The following DAP variants were observed in gnomAD, a reference collection of about 807,000 sequenced individuals.
The protein encoded by DAP is death associated protein, also known as death-associated protein 1.
In DAP, 8 loss-of-function variants were observed where a neutral mutation model predicts 13.8. The ratio of observed to expected loss-of-function variants is 0.58; its 90% confidence interval spans 0.34 to 1.05. DAP has a LOEUF of 1.05. Ranked by LOEUF, DAP falls within the 50% of genes least tolerant of loss-of-function variation. The probability of loss-of-function intolerance (pLI) is 0.03; values close to 1 mark genes in which losing one functional copy is unlikely to be tolerated. For synonymous variants in DAP, 47 were observed against 47.5 expected (o/e 0.99, Z 0.04); for missense variants, 106 against 133.2 (o/e 0.80, Z 1.01).
intron 1 of DAP, among the ~76,000 whole-genome samples, chr5:10,756,262 G>C (rs1740179134): frequency 7.1e-6 from 1 of 140,630 alleles, no homozygotes; most frequent in Non-Finnish European, 1.5e-5. Flanking sequence ...GGGAACAAGG[G>C]CAGACCTCTT....
At chr5:10,690,763 C>T (rs1258941749) in intron 2 of DAP, among the ~76,000 whole-genome samples, 2 of 152,130 alleles carry the variant, frequency 1.3e-5, no homozygotes, top group South Asian at 2.1e-4. Context: ...AATATGTGCT[C>T]GAGTTTCTAC....
At chr5:10,756,037 A>G (rs1299877059) in intron 1 of DAP, among the ~76,000 whole-genome samples, 1 of 152,196 alleles carries the variant, frequency 6.6e-6, no homozygotes, top group Non-Finnish European at 1.5e-5. Flanking sequence ...AGTCCCAGCT[A>G]CTCAGCACAC....
intron 2 of DAP, among the ~76,000 whole-genome samples, chr5:10,694,512 G>C (rs1169201953): frequency 6.6e-6 from 1 of 152,118 alleles, no homozygotes; most frequent in African/African-American, 2.4e-5. Context: ...TTCCTGAGGA[G>C]GGTGGGCAAA....
chr5:10,704,033 C>T (rs533143352), intron 2 of DAP, among the ~76,000 whole-genome samples: 2 of 152,334 alleles, frequency 1.3e-5, no homozygotes, highest in African/African-American at 4.8e-5. Flanking sequence ...GGCGTCCTGC[C>T]TGTCAAATAC....
chr5:10,745,522 G>A (rs1466503152), intron 2 of DAP, among the ~76,000 whole-genome samples: 3 of 152,142 alleles, frequency 2.0e-5, no homozygotes, highest in Admixed American at 1.3e-4. Flanking sequence ...AATCTACAGC[G>A]CTGGGGTGCT....
chr5:10,725,624 C>T (rs565211176), intron 2 of DAP, among the ~76,000 whole-genome samples: 1 of 152,318 alleles, frequency 6.6e-6, no homozygotes, highest in East Asian at 1.9e-4. Flanking sequence ...GGAAAGCAGT[C>T]CCTAATAATA....
intron 2 of DAP, among the ~76,000 whole-genome samples, chr5:10,744,343 A>C (rs1739846470): frequency 2.0e-5 from 3 of 152,226 alleles, no homozygotes. Context: ...ATGCTATAAG[A>C]CATTTCCAAG....
chr5:10,745,033 A>C (rs1422130089), intron 2 of DAP, among the ~76,000 whole-genome samples: 1 of 152,262 alleles, frequency 6.6e-6, no homozygotes, highest in African/African-American at 2.4e-5. Flanking sequence ...AGCACAGATC[A>C]AATGAATTAA....
At chr5:10,751,745 C>G (rs768595056) in intron 1 of DAP, among the ~76,000 whole-genome samples, 3 of 152,060 alleles carry the variant, frequency 2.0e-5, no homozygotes, top group Non-Finnish European at 4.4e-5. Flanking sequence ...AAAGAGACAC[C>G]GGGTCGTGCA....
chr5:10,683,189 G>A (rs185877748), intron 3 of DAP: 4 of 349,676 alleles, frequency 1.1e-5, no homozygotes, highest in Non-Finnish European at 5.3e-6. Flanking sequence ...TGATAAGAAA[G>A]TGAATGTTCT....
At chr5:10,748,411 G>A in intron 1 of DAP, 140 bp from the exon 2 acceptor site, 3 of 675,550 alleles carry the variant, frequency 4.4e-6, no homozygotes, top group Admixed American at 2.3e-5. Flanking sequence ...ATTAACTAGG[G>A]AAGGTCAGGG....
intron 2 of DAP, among the ~76,000 whole-genome samples, chr5:10,746,302 G>A (rs976808212): frequency 2.4e-4 from 36 of 151,606 alleles, no homozygotes; most frequent in African/African-American, 8.7e-4. Context: ...AATACAGTAA[G>A]TGAGAAAAAT....
At chr5:10,734,022 G>T (rs1390765053) in intron 2 of DAP, 1 of 152,192 alleles carries the variant, frequency 6.6e-6, no homozygotes, top group African/African-American at 2.4e-5. Flanking sequence ...CTGGAGAGTT[G>T]ATTTAAATTC....
At chr5:10,711,229 G>A (rs919450669) in intron 2 of DAP, among the ~76,000 whole-genome samples, 8 of 152,242 alleles carry the variant, frequency 5.3e-5, no homozygotes, top group Non-Finnish European at 1.2e-4. Flanking sequence ...GATCAGCAGG[G>A]CCAAGAGCAG....
chr5:10,735,555 C>T (rs935866293), intron 2 of DAP, among the ~76,000 whole-genome samples: 1 of 152,168 alleles, frequency 6.6e-6, no homozygotes, highest in African/African-American at 2.4e-5. Flanking sequence ...AGTGGTAATG[C>T]AGTGCACATG....
chr5:10,696,467 G>T (rs568496704), intron 2 of DAP, among the ~76,000 whole-genome samples: 18 of 152,312 alleles, frequency 1.2e-4, no homozygotes, highest in African/African-American at 3.1e-4. Flanking sequence ...TTGGGCTTAG[G>T]AAATAGATGG....
intron 1 of DAP, among the ~76,000 whole-genome samples, chr5:10,754,798 G>C (rs1398743747): frequency 6.6e-6 from 1 of 152,190 alleles, no homozygotes; most frequent in Non-Finnish European, 1.5e-5. Context: ...GGACTAGTCA[G>C]GTGTTTGCCA....
chr5:10,693,691 G>C (rs747217243), intron 2 of DAP, among the ~76,000 whole-genome samples: 2 of 148,792 alleles, frequency 1.3e-5, no homozygotes, highest in Non-Finnish European at 3.0e-5. Context: ...TCCAAGCCCA[G>C]TCCCCTCATT....
chr5:10,743,224 T>C (rs1739805662), intron 2 of DAP, among the ~76,000 whole-genome samples: 1 of 152,366 alleles, frequency 6.6e-6, no homozygotes, highest in Middle Eastern at 3.4e-3. Context: ...TTAAAAATGT[T>C]GTTTTCCAAA....
Sources: allele counts gnomAD v4.1 joint callset (sites outside exome capture counted in the v4.1 genomes callset), GRCh38; gene constraint gnomAD v4.1.1; transcripts MANE v1.5; gene names NCBI Gene and HGNC (gene_info 2026-07-23, HGNC 2026-07-21).